PREX2: variants seen among roughly 807,000 people sequenced by gnomAD.
PREX2 encodes phosphatidylinositol 3,4,5-trisphosphate-dependent Rac exchanger 2 protein.
In PREX2, 107 loss-of-function variants were observed where a neutral mutation model predicts 203.2. The observed-to-expected ratio is 0.53, with a 90% CI of 0.45 to 0.62. The LOEUF is 0.62. Among genes scored for constraint, PREX2 ranks in the 20% least tolerant of loss-of-function variants. The pLI is 0.00. For synonymous variants in PREX2, 672 were observed against 663.6 expected (o/e 1.01, Z -0.19); for missense variants, 1,777 against 1,955.9 (o/e 0.91, Z 1.72).
intron 37 of PREX2, among the ~76,000 whole-genome samples, chr8:68,216,386 C>CT (rs1563591633): frequency 6.6e-6 from 1 of 152,036 alleles, no homozygotes; most frequent in Non-Finnish European, 1.5e-5. Flanking sequence ...CAACAACAAA[C>CT]TACAGGGAGG....
intron 30 of PREX2, among the ~76,000 whole-genome samples, chr8:68,123,977 A>G (rs1359320307): frequency 2.6e-5 from 4 of 152,112 alleles, no homozygotes; most frequent in Admixed American, 6.6e-5. Flanking sequence ...AGAAAACTTC[A>G]GGCCAGTATT....
chr8:68,155,854 T>G (rs1469436895), intron 34 of PREX2, among the ~76,000 whole-genome samples: 1 of 152,176 alleles, frequency 6.6e-6, no homozygotes, highest in Non-Finnish European at 1.5e-5. Flanking sequence ...AAAATGTTAT[T>G]AAAAAGGAAA....
At chr8:68,120,471 ACATGTCTGTTTCTT>A (rs1489994128) in intron 29 of PREX2, among the ~76,000 whole-genome samples, 185 bp downstream of exon 29, 4 of 152,210 alleles carry the variant, frequency 2.6e-5, no homozygotes, top group African/African-American at 9.6e-5. Context: ...AGGAATTTTT[ACATGTCTGTTTCTT>A]TGAAAGTTTA....
At position 68,231,500 on chromosome 8, in the gene PREX2, A is replaced by G; in HGVS notation, c.*122A>G. 2 of 683,986 alleles carry G rather than the reference A, an allele frequency of 2.9e-6. No individual in the cohort carries two copies. Among genetic ancestry groups the G allele is most frequent in the South Asian group, 2.7e-5 (1 of 36,440 alleles). The allele number at this position is 683,986 out of a possible 1,614,324, so 42.4% of individuals were successfully genotyped here. On this transcript the variant is annotated 3_prime_UTR_variant, in exon 40 of 40. Transcript: ENST00000288368. ...TGCTTTTTTTTTTTTTTTTTTCTGT[A>G]AATCTTTCTTCCCATTGCAAACAAG...
At chr8:68,006,568 T>C (rs1000507417) in intron 1 of PREX2, among the ~76,000 whole-genome samples, 1 of 152,206 alleles carries the variant, frequency 6.6e-6, no homozygotes, top group Non-Finnish European at 1.5e-5. Flanking sequence ...ATCCTGTCAC[T>C]GTTGCCTGGA....
At chr8:68,207,855 A>ACT (rs1812666834) in intron 37 of PREX2, among the ~76,000 whole-genome samples, 6 of 152,164 alleles carry the variant, frequency 3.9e-5, no homozygotes, top group African/African-American at 1.4e-4. Flanking sequence ...TGAGTATGAA[A>ACT]CAGTGGGGTA....
intron 34 of PREX2, among the ~76,000 whole-genome samples, chr8:68,157,081 T>C (rs1811555956): frequency 6.6e-6 from 1 of 152,150 alleles, no homozygotes; most frequent in African/African-American, 2.4e-5. Flanking sequence ...GTTTTAAAAA[T>C]AGAGGACAGT....
At position 68,233,118 on chromosome 8, in the gene PREX2, T is replaced by A. The variant is rs1166099493; in HGVS notation, c.*1740T>A. The A allele has an allele frequency of 1.3e-5, 2 of 152,160 alleles. No individual in the cohort carries two copies. Among genetic ancestry groups the A allele is most frequent in the African/African-American group, 4.8e-5 (2 of 41,450 alleles). 9.4% of individuals were successfully genotyped at this position (152,160 alleles called of 1,614,324 possible). ...ACTTTTGTGAGAAGTCCATATACAA[T>A]GAAAAACAAGGAACCTAACATCAGA... is the stretch of plus-strand genomic sequence containing the variant. On this transcript the variant is annotated 3_prime_UTR_variant, in exon 40 of 40. Coordinates refer to ENST00000288368, the MANE Select transcript of PREX2 (RefSeq NM_024870.4).
chr8:68,055,460 A>ATT (rs11422077), intron 9 of PREX2, among the ~76,000 whole-genome samples: 11 of 151,356 alleles, frequency 7.3e-5, no homozygotes, highest in Admixed American at 1.3e-4. Flanking sequence ...ATATTGCATT[A>ATT]TTTTTTTTCT....
At chr8:68,168,806 C>T (rs1811812634) in intron 35 of PREX2, among the ~76,000 whole-genome samples, 4 of 152,192 alleles carry the variant, frequency 2.6e-5, no homozygotes, top group Admixed American at 2.6e-4. Flanking sequence ...CCTGAGGTGT[C>T]AGTCTTTCCT....
rs562246766 is a variant in PREX2 at position 68,170,507 on chromosome 8, A to G, written c.4346+13071A>G. Reference sequence around the variant, plus strand: ...CCACATGCATTATAGCCTTCATCCTAGTTGCCTGGAGAAAACCTGGTTTAC... The same window carrying G: ...CCACATGCATTATAGCCTTCATCCTGGTTGCCTGGAGAAAACCTGGTTTAC... On this transcript the variant is annotated intron_variant, in intron 35 of 39. Transcript: ENST00000288368. Among the ~76,000 whole-genome samples, 7 of 152,340 alleles carry G rather than the reference A, an allele frequency of 4.6e-5. No homozygotes were observed. In the East Asian group the frequency reaches 1.3e-3, roughly 29 times the overall value.
chr8:67,994,965 TC>T (rs1317224364), intron 1 of PREX2, among the ~76,000 whole-genome samples: 1 of 152,180 alleles, frequency 6.6e-6, no homozygotes, highest in Non-Finnish European at 1.5e-5. Flanking sequence ...ATATTTCTAT[TC>T]TAAAACCAAA....
At chr8:67,954,877 A>G (rs2129016464) in intron 1 of PREX2, among the ~76,000 whole-genome samples, 1 of 152,274 alleles carries the variant, frequency 6.6e-6, no homozygotes, top group South Asian at 2.1e-4. Context: ...AGCTTTATAA[A>G]AAGATCATAT....
intron 11 of PREX2, among the ~76,000 whole-genome samples, chr8:68,062,145 G>A (rs184117645): frequency 1.4e-3 from 209 of 152,066 alleles, no homozygotes; most frequent in African/African-American, 4.5e-3. Context: ...CCCTCATGCC[G>A]TCAAGCCCTG....
chr8:68,110,540 A>G lies in PREX2; in HGVS notation c.3146+917A>G, dbSNP rs902843148. Among the ~76,000 whole-genome samples the G allele has an allele frequency of 5.3e-5, 8 of 152,166 alleles. No homozygotes were observed. In the South Asian group the frequency reaches 6.2e-4, roughly 12 times the overall value. On this transcript the variant is annotated intron_variant, in intron 25 of 39. Transcript: ENST00000288368. ...TTCTGAAAATAATAGAAATACTGTT[A>G]TCTTCTTTTTATTGTACTCTCTTCG...
rs1464556074 is a variant in PREX2 at position 68,158,047 on chromosome 8, GTGTA to G, written c.4346+615_4346+618del. The stretch of plus-strand genomic sequence containing the variant: ...AGCTTTATTTGTCAACAAATTATTA[GTGTA>G]TGTGTGTGTGAATATATATATGTAT... On this transcript the variant is annotated intron_variant, in intron 35 of 39. Transcript: ENST00000288368. Among the ~76,000 whole-genome samples, 115 of 130,196 alleles carry G rather than the reference GTGTA, an allele frequency of 8.8e-4. 1 individual carries two copies. The highest frequency in any genetic ancestry group is 3.0e-3 in the African/African-American group (104 of 34,620). 85.4% of individuals were successfully genotyped at this position (130,196 alleles called of 152,430 possible). A position where few individuals can be genotyped will look rare whatever the true frequency, so the allele number is the denominator to read the frequency against.
Position 68,021,706 on chromosome 8 carries a change from A to G in PREX2, c.337-330A>G, listed in dbSNP as rs535122666. Among the ~76,000 whole-genome samples the G allele has an allele frequency of 3.4e-4, 52 of 152,300 alleles. No individual in the cohort carries two copies. The South Asian group carries it at 6.8e-3, about 20-fold the overall frequency. On this transcript the variant is annotated intron_variant, in intron 3 of 39. Coordinates refer to ENST00000288368, the MANE Select transcript of PREX2 (RefSeq NM_024870.4). ...TCAGTTTTCATAAATAACAGCAAGA[A>G]TATGTATGTAATTTCTTCCTCTTTT...
intron 26 of PREX2, among the ~76,000 whole-genome samples, chr8:68,118,012 G>T (rs1263976049): frequency 2.6e-5 from 4 of 152,132 alleles, no homozygotes; most frequent in Non-Finnish European, 5.9e-5. Context: ...AAATCATTTA[G>T]GATTAGATTA....
intron 35 of PREX2, among the ~76,000 whole-genome samples, chr8:68,168,739 A>G (rs1209974023): frequency 6.6e-6 from 1 of 152,208 alleles, no homozygotes; most frequent in Non-Finnish European, 1.5e-5. Context: ...TACGGGCCAC[A>G]AGCCCACACT....
Sources: allele counts gnomAD v4.1 joint callset (sites outside exome capture counted in the v4.1 genomes callset), GRCh38; gene constraint gnomAD v4.1.1; transcripts MANE v1.5; gene names NCBI Gene and HGNC (gene_info 2026-07-23, HGNC 2026-07-21).